Variants in TBC1D10A observed in about 807,000 individuals in gnomAD.
TBC1D10A encodes the protein EBP50-PDX interactor of 64 kDa.
TBC1D10A carries 24 observed loss-of-function variants against 52.9 expected under a neutral mutation model. That is an observed-to-expected ratio of 0.45 (90% confidence interval 0.33 to 0.64). The LOEUF (loss-of-function observed/expected upper bound fraction) is 0.64, where lower values mean the gene tolerates loss of function less well. Among genes scored for constraint, TBC1D10A ranks in the 30% least tolerant of loss-of-function variants. TBC1D10A has a pLI of 0.02. For synonymous variants in TBC1D10A, 278 were observed against 282.9 expected (o/e 0.98, Z 0.17); for missense variants, 602 against 687.9 (o/e 0.88, Z 1.40).
intron 3 of TBC1D10A, chr22:30,299,131 G>T: frequency 3.7e-6 from 1 of 267,230 alleles, no homozygotes; most frequent in Non-Finnish European, 7.2e-6. Context: ...CAGGGAGGTA[G>T]CCTACTGAGC....
Position 30,292,558 on chromosome 22 carries a change from G to T in TBC1D10A, c.1344C>A (p.Pro448=), listed in dbSNP as rs1346710392. ...QMKGRGQLEK[P]PAPNQAMVVA... is the part of the protein sequence containing the mutation. ...CCACCATGGCTTGATTTGGGGCTGG[G>T]GGCTTCTCCAGCTGCCCTCTCCCCT... The change falls in exon 9 of 9, where the codon CCC becomes CCA. Residue 448 remains proline, a synonymous_variant. Transcript: ENST00000215790. 6.2e-7 allele frequency: 1 copy of T among 1,613,654 alleles called. No individual in the cohort carries two copies. Among genetic ancestry groups the T allele is most frequent in the South Asian group, 1.1e-5 (1 of 91,028 alleles).
chr22:30,303,851 C>CCACT, intron 2 of TBC1D10A, among the ~76,000 whole-genome samples: 1 of 152,334 alleles, frequency 6.6e-6, no homozygotes, highest in African/African-American at 2.4e-5. Context: ...AATGTTCCCA[C>CCACT]AGGGCAATAG....
chr22:30,295,065 G>A lies in TBC1D10A; in HGVS notation c.525-10C>T. 1 of 1,613,270 alleles carries A rather than the reference G, an allele frequency of 6.2e-7. No individual in the cohort carries two copies. Among genetic ancestry groups the A allele is most frequent in the Admixed American group, 1.7e-5 (1 of 60,024 alleles). ...GAATAGGTCCTGCTGGCTGTGGAGA[G>A]GCCGGGCAGAGCAGTGATGACCGGG... On this transcript the variant is annotated splice_polypyrimidine_tract_variant and intron_variant, in intron 4 of 8. Coordinates refer to ENST00000215790, the MANE Select transcript of TBC1D10A (RefSeq NM_031937.3).
At chr22:30,298,552 T>C (rs1457019222) in intron 3 of TBC1D10A, 1 of 152,146 alleles carries the variant, frequency 6.6e-6, no homozygotes, top group Non-Finnish European at 1.5e-5. Context: ...TGAAGAAGCA[T>C]GAGATATGTC....
chr22:30,317,306 G>A (rs1488680047), intron 1 of TBC1D10A, among the ~76,000 whole-genome samples: 2 of 152,184 alleles, frequency 1.3e-5, no homozygotes, highest in Non-Finnish European at 2.9e-5. Flanking sequence ...TACTCGGGAG[G>A]CTGAGGCATG....
chr22:30,294,780 GC>G lies in TBC1D10A; in HGVS notation c.705+15del. 1 of 1,614,060 alleles carries G rather than the reference GC, an allele frequency of 6.2e-7. No individual in the cohort carries two copies. The highest frequency in any genetic ancestry group is 8.5e-7 in the Non-Finnish European group (1 of 1,180,016). ...GTGTCCAGCCCAGGGCAAGTCCCAG[GC>G]CAGGCGACACTCACCAGTTTCTCGC... On this transcript the variant is annotated intron_variant, in intron 6 of 8. Transcript: ENST00000215790.
intron 2 of TBC1D10A, among the ~76,000 whole-genome samples, chr22:30,301,861 G>T (rs1367716304): frequency 6.6e-6 from 1 of 152,210 alleles, no homozygotes; most frequent in Non-Finnish European, 1.5e-5. Flanking sequence ...GAGGAAGGGG[G>T]CTGAAGGGAA....
Position 30,292,295 on chromosome 22 carries a change from G to A in TBC1D10A, c.*80C>T. 2.3e-6 allele frequency: 3 copies of A among 1,308,576 alleles called. No individual in the cohort carries two copies. The highest frequency in any genetic ancestry group is 1.0e-6 in the Non-Finnish European group (1 of 963,290). The allele number at this position is 1,308,576 out of a possible 1,614,324, so 81.1% of individuals were successfully genotyped here. A position where few individuals can be genotyped will look rare whatever the true frequency, so the allele number is the denominator to read the frequency against. ...TGGCCAGGCAGCTTGGCCCTCAGAG[G>A]GTGGGCAGGATGTGGAATGTCAGTT... On this transcript the variant is annotated 3_prime_UTR_variant, in exon 9 of 9. Transcript: ENST00000215790.
intron 1 of TBC1D10A, among the ~76,000 whole-genome samples, chr22:30,307,551 CAT>C (rs1041267596): frequency 3.9e-5 from 6 of 152,302 alleles, no homozygotes; most frequent in East Asian, 1.9e-4. Flanking sequence ...CAGGCACACA[CAT>C]GTTTATCCCT....
intron 1 of TBC1D10A, among the ~76,000 whole-genome samples, chr22:30,325,832 T>C (rs968721642): frequency 2.6e-5 from 4 of 152,036 alleles, no homozygotes; most frequent in Non-Finnish European, 5.9e-5. Flanking sequence ...AGATCTGCCC[T>C]TGGGAGGAGG....
At chr22:30,310,276 G>A (rs1461065896) in intron 1 of TBC1D10A, among the ~76,000 whole-genome samples, 1 of 152,216 alleles carries the variant, frequency 6.6e-6, no homozygotes, top group Non-Finnish European at 1.5e-5. Context: ...GCCCAGCCTG[G>A]TGGGTGGCCA....
chr22:30,294,613 G>C (rs975348886), intron 6 of TBC1D10A, among the ~76,000 whole-genome samples, 183 bp downstream of exon 6: 5 of 152,250 alleles, frequency 3.3e-5, no homozygotes, highest in African/African-American at 1.2e-4. Flanking sequence ...ATGAAAGTCA[G>C]TGTAGAAGGG....
chr22:30,313,532 C>T (rs987487331), intron 1 of TBC1D10A, among the ~76,000 whole-genome samples: 5 of 139,934 alleles, frequency 3.6e-5, no homozygotes, highest in East Asian at 4.4e-4. Flanking sequence ...TACAGGTGTG[C>T]GCCACCACGG....
chr22:30,320,222 G>C (rs1930624865), intron 1 of TBC1D10A, among the ~76,000 whole-genome samples: 1 of 152,156 alleles, frequency 6.6e-6, no homozygotes, highest in South Asian at 2.1e-4. Flanking sequence ...CTGGCCTATG[G>C]GAGGACTAAA....
intron 1 of TBC1D10A, among the ~76,000 whole-genome samples, chr22:30,318,348 C>T (rs1930580359): frequency 6.6e-6 from 1 of 152,152 alleles, no homozygotes; most frequent in South Asian, 2.1e-4. Flanking sequence ...TGCATCCTTC[C>T]TTATCATCCA....
At chr22:30,303,306 TAGACAGACAGAC>T (rs3067181) in intron 2 of TBC1D10A, among the ~76,000 whole-genome samples, 35 of 149,024 alleles carry the variant, frequency 2.3e-4, no homozygotes, top group South Asian at 8.4e-4. Flanking sequence ...GATAGATAGA[TAGACAGACAGAC>T]AGACAGACAG....
chr22:30,295,739 G>A lies in TBC1D10A; in HGVS notation c.522C>T (p.His174=), dbSNP rs141103266. ...FHEMFVSRGG[H]GQQDLFRVLK... is the part of the protein sequence containing the mutation. ...CTCATGAGGCCCAGCCTGCTCACCC[G>A]TGGCCCCCCCGGGACACAAACATCT... The change falls in exon 4 of 9, where the codon CAC becomes CAT. Residue 174 remains histidine (H), a splice_region_variant and synonymous_variant. Coordinates refer to ENST00000215790, the MANE Select transcript of TBC1D10A (RefSeq NM_031937.3). The A allele has an allele frequency of 1.3e-5, 21 of 1,613,786 alleles. No individual in the cohort carries two copies. The highest frequency in any genetic ancestry group is 5.5e-5 in the South Asian group (5 of 91,084).
Position 30,299,494 on chromosome 22 carries a change from A to G in TBC1D10A, c.367T>C (p.Tyr123His), listed in dbSNP as rs1601671042. Residue 123 changes from tyrosine to histidine, a missense_variant, in exon 3 of 9, where the codon TAC becomes CAC. Transcript: ENST00000215790. ...PPSLRGRAWQYLSGGKVKLQQ... is the reference protein window; with the variant it reads ...PPSLRGRAWQHLSGGKVKLQQ... ...AACTTCACCTTGCCTCCTGACAGGT[A>G]CTGCCAAGCACGGCCCCGCAGAGAA... is the stretch of plus-strand genomic sequence containing the variant. 1 of 1,614,194 alleles carries G rather than the reference A, an allele frequency of 6.2e-7. No homozygotes were observed.
intron 1 of TBC1D10A, among the ~76,000 whole-genome samples, chr22:30,313,005 A>T (rs1047375091): frequency 7.9e-5 from 12 of 152,230 alleles, no homozygotes; most frequent in Non-Finnish European, 1.8e-4. Flanking sequence ...CTGCAAAAAG[A>T]CCCCAGGGTG....
Sources: gnomAD v4.1 joint callset for allele counts (sites outside exome capture counted in the v4.1 genomes callset) on GRCh38, gnomAD v4.1.1 for gene constraint, MANE v1.5 for transcripts, NCBI Gene and HGNC (gene_info 2026-07-23, HGNC 2026-07-21) for gene names.